Variants in QDPR observed in about 807,000 individuals in gnomAD.
The protein encoded by QDPR is quinoid dihydropteridine reductase, also known as dihydropteridine reductase.
Under a neutral mutation model 31.7 loss-of-function variants are expected in QDPR, and 23 were observed. The ratio of observed to expected loss-of-function variants is 0.73; its 90% confidence interval spans 0.52 to 1.03. QDPR has a LOEUF of 1.03. QDPR is among the 50% of genes least tolerant of loss of function. The pLI, the probability that QDPR is intolerant of heterozygous loss-of-function variation, is 0.00. For synonymous variants in QDPR, 124 were observed against 124.7 expected (o/e 0.99, Z 0.03); for missense variants, 324 against 323.8 (o/e 1.00, Z 0.00).
intron 4 of QDPR, among the ~76,000 whole-genome samples, chr4:17,494,779 A>G (rs57293563): frequency 0.025 from 3,831 of 152,308 alleles, 159 homozygotes; most frequent in African/African-American, 0.087. Flanking sequence ...TGGAATTCAA[A>G]AAGTGCAGCC....
Position 17,486,513 on chromosome 4 carries a change from G to A in QDPR, c.*618C>T. ...ACTCATCTCTGACTGCTGTATATAAGATGTGATTTGATTAAAGAAGACAGA... is the reference window on the plus strand; with the variant it reads ...ACTCATCTCTGACTGCTGTATATAAAATGTGATTTGATTAAAGAAGACAGA... On this transcript the variant is annotated 3_prime_UTR_variant, in exon 7 of 7. Transcript: ENST00000281243. 6.5e-6 allele frequency: 1 copy of A among 154,970 alleles called. No homozygotes were observed. Among genetic ancestry groups the A allele is most frequent in the Non-Finnish European group, 1.4e-5 (1 of 69,650 alleles). 9.6% of individuals were successfully genotyped at this position (154,970 alleles called of 1,614,324 possible). A position where few individuals can be genotyped will look rare whatever the true frequency, so the allele number is the denominator to read the frequency against.
At chr4:17,504,201 GCTT>G (rs1368580609) in intron 3 of QDPR, among the ~76,000 whole-genome samples, 175 bp downstream of exon 3, 1 of 152,146 alleles carries the variant, frequency 6.6e-6, no homozygotes, top group East Asian at 1.9e-4. Context: ...TCCAGGGGAA[GCTT>G]CTTCTTTATC....
chr4:17,508,534 T>G (rs1718870604), intron 2 of QDPR, among the ~76,000 whole-genome samples: 1 of 151,594 alleles, frequency 6.6e-6, no homozygotes, highest in South Asian at 2.1e-4. Flanking sequence ...AACTCAAATG[T>G]ACAATAAACA....
At chr4:17,499,439 G>C (rs1248291573) in intron 4 of QDPR, among the ~76,000 whole-genome samples, 1 of 152,142 alleles carries the variant, frequency 6.6e-6, no homozygotes, top group Non-Finnish European at 1.5e-5. Context: ...ACTTTCTACT[G>C]CCTCTGTTCC....
At chr4:17,505,209 A>C (rs1718715884) in intron 2 of QDPR, among the ~76,000 whole-genome samples, 1 of 151,038 alleles carries the variant, frequency 6.6e-6, no homozygotes, top group Non-Finnish European at 1.5e-5. Flanking sequence ...GACAAATCCC[A>C]ATTGCTTCAT....
intron 4 of QDPR, among the ~76,000 whole-genome samples, chr4:17,494,041 C>A (rs13121927): frequency 6.6e-6 from 1 of 152,076 alleles, no homozygotes; most frequent in Non-Finnish European, 1.5e-5. Context: ...CCCTGGAACC[C>A]GACTACCTGG....
intron 3 of QDPR, 49 bp from the exon 4 acceptor site, chr4:17,501,908 A>G (rs774275238): frequency 6.2e-7 from 1 of 1,612,136 alleles, no homozygotes; most frequent in Non-Finnish European, 8.5e-7. Flanking sequence ...AAGAAACCAA[A>G]AGGTGAGCTC....
chr4:17,509,861 A>G (rs2108997697), intron 1 of QDPR: 1 of 436,452 alleles, frequency 2.3e-6, no homozygotes, highest in Non-Finnish European at 4.6e-6. Flanking sequence ...ATTCACCTCT[A>G]AAACACAAAC....
In QDPR at chr4:17,486,996, T is replaced by C; in HGVS notation, c.*135A>G. The C allele has an allele frequency of 1.3e-6, 1 of 743,880 alleles. No individual in the cohort carries two copies. The highest frequency in any genetic ancestry group is 2.4e-6 in the Non-Finnish European group (1 of 412,504). 46.1% of individuals were successfully genotyped at this position (743,880 alleles called of 1,614,324 possible). ...ACTGTCCTAGGAGAGCAAATGCATA[T>C]TATGTGAGAGAAAAATAGGACTCAT... On this transcript the variant is annotated 3_prime_UTR_variant, in exon 7 of 7. Coordinates refer to ENST00000281243, the MANE Select transcript of QDPR (RefSeq NM_000320.3).
At position 17,498,025 on chromosome 4, in the gene QDPR, T is replaced by G. The variant is rs535846863; in HGVS notation, c.436+3694A>C. Among the ~76,000 whole-genome samples the G allele has an allele frequency of 2.2e-3, 333 of 152,314 alleles. 1 individual carries two copies. The highest frequency in any genetic ancestry group is 3.1e-3 in the Non-Finnish European group (211 of 68,038). On this transcript the variant is annotated intron_variant, in intron 4 of 6. Transcript: ENST00000281243. Reference sequence around the variant, plus strand: ...GTCTTTCCTCTTTATGTTCCCCCACTGTGCCCAACTGTAGCTGCTCACTAA... The same window carrying G: ...GTCTTTCCTCTTTATGTTCCCCCACGGTGCCCAACTGTAGCTGCTCACTAA...
intron 1 of QDPR, among the ~76,000 whole-genome samples, chr4:17,510,151 T>C (rs2108997868): frequency 6.6e-6 from 1 of 152,334 alleles, no homozygotes; most frequent in South Asian, 2.1e-4. Context: ...TCTTAACTCT[T>C]GGGCTGTACA....
intron 1 of QDPR, among the ~76,000 whole-genome samples, chr4:17,510,626 C>G (rs922829443): frequency 6.6e-6 from 1 of 152,212 alleles, no homozygotes; most frequent in Non-Finnish European, 1.5e-5. Context: ...GGTAAATCAG[C>G]TCTCCAGATT....
intron 1 of QDPR, 142 bp downstream of exon 1, chr4:17,511,808 C>T: frequency 2.5e-6 from 2 of 794,462 alleles, no homozygotes; most frequent in Admixed American, 2.5e-5. Context: ...GACGCGTAGA[C>T]CTGTGCGCGC....
chr4:17,487,377 C>A, intron 6 of QDPR, 141 bp from the exon 7 acceptor site: 1 of 701,628 alleles, frequency 1.4e-6, no homozygotes, highest in Admixed American at 2.1e-5. Context: ...GGGCTGGGCG[C>A]CATGGCTCAC....
intron 5 of QDPR, 71 bp from the exon 6 acceptor site, chr4:17,490,816 G>T (rs1718137658): frequency 3.1e-6 from 4 of 1,295,870 alleles, no homozygotes; most frequent in Non-Finnish European, 4.4e-6. Context: ...GTCCCCCTTG[G>T]CCAGGAAAAC....
chr4:17,511,841 G>A, intron 1 of QDPR, 109 bp downstream of exon 1: 2 of 1,086,800 alleles, frequency 1.8e-6, no homozygotes, highest in East Asian at 2.7e-5. Context: ...CACGAGTCAG[G>A]GGGTGCACAG....
At chr4:17,500,123 T>C (rs534549464) in intron 4 of QDPR, among the ~76,000 whole-genome samples, 19 of 152,176 alleles carry the variant, frequency 1.2e-4, no homozygotes, top group Admixed American at 1.1e-3. Flanking sequence ...GCCTGGCTAA[T>C]TTTTTGTATT....
In QDPR at chr4:17,490,728, G is replaced by A. The variant is rs374458448; in HGVS notation, c.563C>T (p.Pro188Leu). 3.7e-5 allele frequency: 60 copies of A among 1,613,624 alleles called. No individual in the cohort carries two copies. Among genetic ancestry groups the A allele is most frequent in the East Asian group, 2.7e-4 (12 of 44,878 alleles). ...IAVLPVTLDT[P>L]MNRKSMPEAD... ...CTCAGGCATTGATTTCCTGTTCATC[G>A]GGGTATCCAGGGTAACCCTGCAATG... The change falls in exon 6 of 7, where the codon CCG becomes CTG. Residue 188 changes from proline to leucine, a missense_variant. Pro to Leu is a moderately conservative substitution (Grantham distance 98). Coordinates refer to ENST00000281243, the MANE Select transcript of QDPR (RefSeq NM_000320.3).
At chr4:17,494,554 C>CT (rs1664201863) in intron 4 of QDPR, among the ~76,000 whole-genome samples, 1 of 152,182 alleles carries the variant, frequency 6.6e-6, no homozygotes, top group Non-Finnish European at 1.5e-5. Context: ...AGAGACGCTG[C>CT]TTTGGAGAAT....
Sources: gnomAD v4.1 joint callset for allele counts (sites outside exome capture counted in the v4.1 genomes callset) on GRCh38, gnomAD v4.1.1 for gene constraint, MANE v1.5 for transcripts, NCBI Gene and HGNC (gene_info 2026-07-23, HGNC 2026-07-21) for gene names.